Variants in ZCCHC2 observed in about 807,000 individuals in gnomAD.
The protein encoded by ZCCHC2 is zinc finger CCHC-type containing 2.
In ZCCHC2, 39 loss-of-function variants were observed where a neutral mutation model predicts 103.6. The observed-to-expected ratio is 0.38, with a 90% CI of 0.29 to 0.49. The LOEUF (loss-of-function observed/expected upper bound fraction) is 0.49. Among genes scored for constraint, ZCCHC2 ranks in the 20% least tolerant of loss-of-function variants. The pLI, the probability that ZCCHC2 is intolerant of heterozygous loss-of-function variation, is 0.96. For synonymous variants in ZCCHC2, 687 were observed against 608.9 expected (o/e 1.13, Z -1.89); for missense variants, 1,483 against 1,491.0 (o/e 0.99, Z 0.09).
chr18:62,543,062 TGTCTTCTTCTTGCCC>T (rs1915266966), intron 3 of ZCCHC2, among the ~76,000 whole-genome samples: 1 of 152,212 alleles, frequency 6.6e-6, no homozygotes, highest in Non-Finnish European at 1.5e-5. Context: ...AGACTTTGCA[TGTCTTCTTCTTGCCC>T]GTCAGCTGTA....
chr18:62,550,205 T>C (rs1915603630), intron 4 of ZCCHC2, 143 bp from the exon 5 acceptor site: 2 of 626,470 alleles, frequency 3.2e-6, no homozygotes, highest in Admixed American at 5.4e-5. Context: ...TGGGGTCAGA[T>C]GTTGTGAAGA....
At chr18:62,582,238 G>A (rs990917181), downstream of ZCCHC2, among the ~76,000 whole-genome samples, 1 of 152,246 alleles carries the variant, frequency 6.6e-6, no homozygotes, top group South Asian at 2.1e-4. Flanking sequence ...GTTGAAAGAC[G>A]GGTTAGGCAT....
Position 62,567,944 on chromosome 18 carries a change from C to CAA in ZCCHC2, c.1847-2145_1847-2144dup, listed in dbSNP as rs71888422. Among the ~76,000 whole-genome samples the CAA allele has an allele frequency of 2.2e-4, 18 of 81,438 alleles. 1 individual carries two copies. Among genetic ancestry groups the CAA allele is most frequent in the East Asian group, 1.6e-3 (3 of 1,844 alleles). 53.4% of individuals were successfully genotyped at this position (81,438 alleles called of 152,430 possible). ...GGGGCGACAGAATGAGACTCTGTCT[C>CAA]AAAAAAAAAAAAAAAGAATGCTCAT... On this transcript the variant is annotated intron_variant, in intron 11 of 13. Coordinates refer to ENST00000269499, the MANE Select transcript of ZCCHC2 (RefSeq NM_017742.6).
At chr18:62,548,829 G>A (rs1432136541) in intron 4 of ZCCHC2, among the ~76,000 whole-genome samples, 2 of 152,156 alleles carry the variant, frequency 1.3e-5, no homozygotes, top group Non-Finnish European at 2.9e-5. Context: ...GGAGGCCAAG[G>A]CAGGAGAATC....
intron 2 of ZCCHC2, 45 bp from the exon 3 acceptor site, chr18:62,542,453 T>C (rs1292194993): frequency 6.7e-7 from 1 of 1,494,586 alleles, no homozygotes; most frequent in African/African-American, 1.4e-5. Context: ...GAAATGTGTC[T>C]ATAGTCTTTG....
rs999635579 is a variant in ZCCHC2, at chr18:62,546,963, T to C, written c.1200+2090T>C. Among the ~76,000 whole-genome samples, 4 of 152,204 alleles carry C rather than the reference T, an allele frequency of 2.6e-5. No individual in the cohort carries two copies. In the East Asian group the frequency reaches 7.7e-4, roughly 29 times the overall value. On this transcript the variant is annotated intron_variant, in intron 4 of 13. Coordinates refer to ENST00000269499, the MANE Select transcript of ZCCHC2 (RefSeq NM_017742.6). ...GTACTTCTGGAAACATACTGCCTATTGTATGATACTTTTCCAAGTTTACCT... is the reference window on the plus strand; with the variant it reads ...GTACTTCTGGAAACATACTGCCTATCGTATGATACTTTTCCAAGTTTACCT...
chr18:62,558,068 G>C (rs1225800500), intron 6 of ZCCHC2, among the ~76,000 whole-genome samples: 1 of 151,402 alleles, frequency 6.6e-6, no homozygotes, highest in African/African-American at 2.4e-5. Flanking sequence ...CTGGTACAGA[G>C]AGCATCACTC....
At chr18:62,532,112 G>GGT (rs202104882) in intron 1 of ZCCHC2, among the ~76,000 whole-genome samples, 59 of 152,318 alleles carry the variant, frequency 3.9e-4, no homozygotes, top group African/African-American at 1.3e-3. Flanking sequence ...CCAGTGAAGG[G>GGT]GTGTGTGTGT....
Position 62,556,254 on chromosome 18 carries a change from C to T in ZCCHC2, c.1365C>T (p.His455=). ...SQAFLQSQKV[H]SFFQSISSDS... ...CTTTTCTACAAAGTCAGAAAGTACA[C>T]AGCTTCTTTCAGTCCATATCATCAG... Residue 455 remains histidine (H), a synonymous_variant, in exon 6 of 14, where the codon CAC becomes CAT. Coordinates refer to ENST00000269499, the MANE Select transcript of ZCCHC2 (RefSeq NM_017742.6). The T allele has an allele frequency of 6.2e-7, 1 of 1,607,308 alleles. No homozygotes were observed. The highest frequency in any genetic ancestry group is 2.2e-5 in the East Asian group (1 of 44,758).
chr18:62,585,687 T>A (rs1232921017), exon 15 of ZCCHC2: 1 of 152,266 alleles, frequency 6.6e-6, no homozygotes, highest in Non-Finnish European at 1.5e-5. Flanking sequence ...ACTCGCGTTG[T>A]AGAGTAGTTG....
intron 7 of ZCCHC2, among the ~76,000 whole-genome samples, chr18:62,559,228 C>T (rs552578474): frequency 8.5e-5 from 13 of 152,254 alleles, no homozygotes; most frequent in African/African-American, 2.4e-4. Flanking sequence ...AGGAGACCAT[C>T]CATAGATTGA....
rs754925402 is a variant in ZCCHC2 at position 62,574,860 on chromosome 18, G to A, written c.2779G>A (p.Val927Met). The A allele has an allele frequency of 9.9e-6, 16 of 1,613,834 alleles. No individual in the cohort carries two copies. The highest frequency in any genetic ancestry group is 2.7e-5 in the African/African-American group (2 of 75,010). Residue 927 changes from valine to methionine, a missense_variant, in exon 13 of 14, where the codon GTG becomes ATG. By Grantham distance (21) the Val-to-Met change is conservative. Coordinates refer to ENST00000269499, the MANE Select transcript of ZCCHC2 (RefSeq NM_017742.6). ...PLPGSPLAAG[V>M]LPSQNSSVLS... ...ACCAGGCTCTCCCCTTGCTGCCGGC[G>A]TGTTACCCAGCCAGAACTCCAGTGT...
At chr18:62,569,167 G>C (rs1209978705) in intron 11 of ZCCHC2, among the ~76,000 whole-genome samples, 1 of 152,082 alleles carries the variant, frequency 6.6e-6, no homozygotes, top group East Asian at 1.9e-4. Context: ...GAGTGGCTGG[G>C]CTAATCTAGG....
Position 62,523,249 on chromosome 18 carries a change from C to A in ZCCHC2, c.-176C>A. 1 of 452,896 alleles carries A rather than the reference C, an allele frequency of 2.2e-6. No homozygotes were observed. Among genetic ancestry groups the A allele is most frequent in the Non-Finnish European group, 2.9e-6 (1 of 343,266 alleles). 28.1% of individuals were successfully genotyped at this position (452,896 alleles called of 1,614,324 possible). A position where few individuals can be genotyped will look rare whatever the true frequency, so the allele number is the denominator to read the frequency against. On this transcript the variant is annotated 5_prime_UTR_variant, in exon 1 of 14. Transcript: ENST00000269499. ...GCCCGGGAAGACGACGCCAGCGACC[C>A]CGCCGGCCGGCCACCGCCCCCCTCG...
At chr18:62,582,610 C>A (rs930247000), downstream of ZCCHC2, among the ~76,000 whole-genome samples, 4 of 152,116 alleles carry the variant, frequency 2.6e-5, no homozygotes, top group East Asian at 7.7e-4. Flanking sequence ...ACCTGGGAGG[C>A]GGAGGTTGCA....
intron 5 of ZCCHC2, 84 bp downstream of exon 5, chr18:62,550,544 C>T: frequency 1.1e-6 from 1 of 920,776 alleles, no homozygotes; most frequent in Non-Finnish European, 1.7e-6. Context: ...GTGGGGGAAT[C>T]ATAGAGATCC....
At chr18:62,555,211 C>T (rs1915835623) in intron 5 of ZCCHC2, among the ~76,000 whole-genome samples, 1 of 152,114 alleles carries the variant, frequency 6.6e-6, no homozygotes, top group South Asian at 2.1e-4. Context: ...AGTAAACTTC[C>T]TGGTAGATTC....
intron 1 of ZCCHC2, among the ~76,000 whole-genome samples, chr18:62,528,165 T>C (rs1361546379): frequency 6.6e-6 from 1 of 152,226 alleles, no homozygotes; most frequent in African/African-American, 2.4e-5. Context: ...AAATGTAAAC[T>C]TTCGATACTA....
chr18:62,553,224 G>T (rs987094413), intron 5 of ZCCHC2, among the ~76,000 whole-genome samples: 9 of 148,550 alleles, frequency 6.1e-5, no homozygotes, highest in African/African-American at 2.2e-4. Flanking sequence ...CTATCCAAAT[G>T]GAAGTATTTT....
Sources: allele counts gnomAD v4.1 joint callset (sites outside exome capture counted in the v4.1 genomes callset), GRCh38; gene constraint gnomAD v4.1.1; transcripts MANE v1.5; gene names NCBI Gene and HGNC (gene_info 2026-07-23, HGNC 2026-07-21).